The following EPHA7 variants were observed in gnomAD, a reference collection of about 807,000 sequenced individuals.
The protein encoded by EPHA7 is ephrin type-A receptor 7.
A neutral mutation model predicts 112.6 loss-of-function variants in EPHA7; 25 were observed. The ratio of observed to expected loss-of-function variants is 0.22; its 90% CI spans 0.16 to 0.31. The LOEUF (loss-of-function observed/expected upper bound fraction) is 0.31. EPHA7 is among the 10% of genes least tolerant of loss of function. The probability of loss-of-function intolerance (pLI) is 1.00; values close to 1 mark genes in which losing one functional copy is unlikely to be tolerated. For missense variants in EPHA7, 962 were observed against 1,212.6 expected (o/e 0.79, Z 3.07); for synonymous variants, 437 against 406.5 (o/e 1.07, Z -0.90).
At chr6:93,305,057 C>A (rs191915987) in intron 5 of EPHA7, among the ~76,000 whole-genome samples, 76 of 151,996 alleles carry the variant, frequency 5.0e-4, no homozygotes, top group Non-Finnish European at 9.6e-4. Flanking sequence ...CCCCACCTCA[C>A]TAGAATGTAA....
At chr6:93,282,746 C>A (rs574148603) in intron 5 of EPHA7, among the ~76,000 whole-genome samples, 2 of 152,150 alleles carry the variant, frequency 1.3e-5, no homozygotes, top group Non-Finnish European at 2.9e-5. Context: ...CTCAGAGCCG[C>A]GGGACCTGCC....
intron 5 of EPHA7, among the ~76,000 whole-genome samples, chr6:93,309,580 T>A (rs1773427277): frequency 6.6e-6 from 1 of 152,150 alleles, no homozygotes; most frequent in African/African-American, 2.4e-5. Flanking sequence ...TAAAATATCT[T>A]TATTACATAT....
intron 3 of EPHA7, among the ~76,000 whole-genome samples, chr6:93,361,093 A>G (rs1776238555): frequency 6.6e-6 from 1 of 152,114 alleles, no homozygotes; most frequent in African/African-American, 2.4e-5. Flanking sequence ...TGTCAATTTC[A>G]CTATGAATTT....
intron 5 of EPHA7, among the ~76,000 whole-genome samples, chr6:93,314,892 T>A (rs1392455499): frequency 7.5e-6 from 1 of 133,978 alleles, no homozygotes; most frequent in Non-Finnish European, 1.6e-5. Flanking sequence ...AGACGGAGTC[T>A]CGCTCTGTCG....
intron 3 of EPHA7, among the ~76,000 whole-genome samples, chr6:93,381,240 A>G (rs1777319746): frequency 1.3e-5 from 2 of 152,312 alleles, no homozygotes; most frequent in South Asian, 2.1e-4. Context: ...CTTTAGTGCA[A>G]TAAGTTCTCA....
intron 13 of EPHA7, 59 bp downstream of exon 13, chr6:93,255,769 C>T: frequency 6.9e-7 from 1 of 1,457,524 alleles, no homozygotes; most frequent in Non-Finnish European, 9.6e-7. Context: ...TTAGGTCCTG[C>T]TTTCGTGGTA....
At chr6:93,274,710 C>T (rs1461351922) in intron 5 of EPHA7, among the ~76,000 whole-genome samples, 1 of 151,746 alleles carries the variant, frequency 6.6e-6, no homozygotes, top group Non-Finnish European at 1.5e-5. Context: ...TAGCACATGG[C>T]CCTTGAGAAT....
At position 93,419,386 on chromosome 6, in the gene EPHA7, G is replaced by A; in HGVS notation, c.-45C>T. ...TTTTAGGTTTCAGTTATCTTGAGTC[G>A]TGGATTTTTAAATGCTGTTTGTTCC... On this transcript the variant is annotated 5_prime_UTR_variant, in exon 1 of 17. The change creates a new upstream start codon in the 5' untranslated region. Transcript: ENST00000369303. 1 of 1,509,846 alleles carries A rather than the reference G, an allele frequency of 6.6e-7. No homozygotes were observed. Among genetic ancestry groups the A allele is most frequent in the Non-Finnish European group, 9.2e-7 (1 of 1,089,464 alleles). The allele number at this position is 1,509,846 out of a possible 1,614,324, so 93.5% of individuals were successfully genotyped here. A position where few individuals can be genotyped will look rare whatever the true frequency, so the allele number is the denominator to read the frequency against.
chr6:93,339,241 G>A (rs1775025052), intron 5 of EPHA7, among the ~76,000 whole-genome samples: 1 of 151,490 alleles, frequency 6.6e-6, no homozygotes, highest in South Asian at 2.1e-4. Context: ...CCTAGAGATT[G>A]GTATTTAAAA....
chr6:93,396,840 A>C (rs1220316861), intron 3 of EPHA7, among the ~76,000 whole-genome samples: 1 of 151,814 alleles, frequency 6.6e-6, no homozygotes, highest in African/African-American at 2.4e-5. Context: ...TGGGGAAATT[A>C]AAAATAAATT....
At chr6:93,375,209 G>A (rs920196303) in intron 3 of EPHA7, among the ~76,000 whole-genome samples, 1 of 152,034 alleles carries the variant, frequency 6.6e-6, no homozygotes, top group African/African-American at 2.4e-5. Flanking sequence ...TTTGGTAGAA[G>A]TACAACTCTA....
chr6:93,277,702 C>T (rs1771535142), intron 5 of EPHA7, among the ~76,000 whole-genome samples: 1 of 151,868 alleles, frequency 6.6e-6, no homozygotes, highest in Admixed American at 6.6e-5. Context: ...ATTTGCATTG[C>T]TATCTACTTA....
At position 93,241,575 on chromosome 6, in the gene EPHA7, A is replaced by G. The variant is rs1178708068; in HGVS notation, c.*1851T>C. The G allele has an allele frequency of 4.6e-6, 1 of 218,410 alleles. No individual in the cohort carries two copies. Among genetic ancestry groups the G allele is most frequent in the Non-Finnish European group, 9.2e-6 (1 of 108,434 alleles). 13.5% of individuals were successfully genotyped at this position (218,410 alleles called of 1,614,324 possible). On this transcript the variant is annotated 3_prime_UTR_variant, in exon 17 of 17. Transcript: ENST00000369303. Reference sequence around the variant, plus strand: ...GAAATTAAAATGATTTTTCTAGTCAATCAAAAAATAAATTAAAATATCAAA... The same window carrying G: ...GAAATTAAAATGATTTTTCTAGTCAGTCAAAAAATAAATTAAAATATCAAA...
At position 93,419,292 on chromosome 6, in the gene EPHA7, C is replaced by G. The variant is rs1258617697; in HGVS notation, c.50G>C (p.Trp17Ser). ...CCCTGTGTGTGCAAAGCGGAGCAGC[C>G]AGATGTAGCATAAAATAATCCATGA... ...YPSWIILCYIWLLRFAHTGEA... is the reference protein window; with the variant it reads ...YPSWIILCYISLLRFAHTGEA... The change falls in exon 1 of 17, where the codon TGG becomes TCG. Residue 17 changes from tryptophan (W) to serine (S), a missense_variant. By Grantham distance (177) the Trp-to-Ser change is radical (BLOSUM62 -3). Around this residue, in one of 3 missense-constraint regions of EPHA7, gnomAD observed 56 missense variants for 59.9 expected, o/e 0.94. Transcript: ENST00000369303. 1 of 1,614,130 alleles carries G rather than the reference C, an allele frequency of 6.2e-7. No homozygotes were observed. The highest frequency in any genetic ancestry group is 8.5e-7 in the Non-Finnish European group (1 of 1,180,000).
intron 3 of EPHA7, among the ~76,000 whole-genome samples, chr6:93,393,370 TTCAA>T (rs1290993320): frequency 8.6e-5 from 13 of 151,866 alleles, no homozygotes; most frequent in Non-Finnish European, 1.8e-4. Flanking sequence ...AGTGATGTAG[TTCAA>T]TCAATGATTG....
intron 3 of EPHA7, among the ~76,000 whole-genome samples, chr6:93,388,966 G>C (rs1777768620): frequency 6.6e-6 from 1 of 151,968 alleles, no homozygotes; most frequent in Non-Finnish European, 1.5e-5. Flanking sequence ...AGGGGAGCAA[G>C]ATCAAATGCA....
intron 3 of EPHA7, among the ~76,000 whole-genome samples, chr6:93,408,196 T>C (rs982897649): frequency 6.6e-6 from 1 of 152,030 alleles, no homozygotes; most frequent in African/African-American, 2.4e-5. Context: ...CCCATTTTAA[T>C]TGTGTAAAAG....
intron 5 of EPHA7, among the ~76,000 whole-genome samples, chr6:93,306,839 G>A (rs1424730143): frequency 6.6e-6 from 1 of 151,854 alleles, no homozygotes; most frequent in Admixed American, 6.6e-5. Flanking sequence ...AGAATGCTTA[G>A]TTTTGGTCAT....
intron 5 of EPHA7, among the ~76,000 whole-genome samples, chr6:93,302,466 AG>A (rs1773034711): frequency 6.6e-6 from 1 of 152,042 alleles, no homozygotes; most frequent in South Asian, 2.1e-4. Flanking sequence ...AACAATTTCC[AG>A]GGTGCCACTC....
Sources: allele counts gnomAD v4.1 joint callset (sites outside exome capture counted in the v4.1 genomes callset), GRCh38; gene constraint gnomAD v4.1.1; regional missense constraint gnomAD v4.1.1; transcripts MANE v1.5; gene names NCBI Gene and HGNC (gene_info 2026-07-23, HGNC 2026-07-21).